PAXBP1: variants seen among roughly 807,000 people sequenced by gnomAD.
The protein encoded by PAXBP1 is PAX3 and PAX7 binding protein 1.
In PAXBP1, 44 loss-of-function variants were observed where a neutral mutation model predicts 119.9. The ratio of observed to expected loss-of-function variants is 0.37; its 90% CI spans 0.29 to 0.47. The LOEUF (loss-of-function observed/expected upper bound fraction) is 0.47, where lower values mean the gene tolerates loss of function less well. Among genes scored for constraint, PAXBP1 ranks in the 20% least tolerant of loss-of-function variants. The probability of loss-of-function intolerance (pLI) is 0.99; values close to 1 mark genes in which losing one functional copy is unlikely to be tolerated. For missense variants in PAXBP1, 898 were observed against 1,134.1 expected (o/e 0.79, Z 2.99); for synonymous variants, 393 against 406.6 (o/e 0.97, Z 0.40).
At position 32,734,874 on chromosome 21, in the gene PAXBP1, A is replaced by T; in HGVS notation, c.*76T>A. On this transcript the variant is annotated 3_prime_UTR_variant, in exon 18 of 18. Coordinates refer to ENST00000331923, the MANE Select transcript of PAXBP1 (RefSeq NM_016631.4). Reference sequence around the variant, plus strand: ...AACAAGAATTGCTATTTTACAGTTTAAGAAACTTTACATATATACAAAATT... The same window carrying T: ...AACAAGAATTGCTATTTTACAGTTTTAGAAACTTTACATATATACAAAATT... The T allele has an allele frequency of 1.9e-6, 2 of 1,067,432 alleles. No individual in the cohort carries two copies. Among genetic ancestry groups the T allele is most frequent in the Non-Finnish European group, 2.9e-6 (2 of 690,050 alleles). 66.1% of individuals were successfully genotyped at this position (1,067,432 alleles called of 1,614,324 possible).
chr21:32,754,516 C>T (rs554972199), intron 8 of PAXBP1, among the ~76,000 whole-genome samples: 37 of 152,260 alleles, frequency 2.4e-4, no homozygotes, highest in African/African-American at 8.9e-4. Context: ...TTTAAAACAT[C>T]CAGTTAAAGG....
rs937876734 is a variant in PAXBP1 at position 32,770,017 on chromosome 21, C to T, written c.344-75G>A. 2.4e-4 allele frequency: 280 copies of T among 1,142,856 alleles called. 1 individual carries two copies. The highest frequency in any genetic ancestry group is 3.2e-4 in the Non-Finnish European group (265 of 826,796). The allele number at this position is 1,142,856 out of a possible 1,614,324, so 70.8% of individuals were successfully genotyped here. A position where few individuals can be genotyped will look rare whatever the true frequency, so the allele number is the denominator to read the frequency against. On this transcript the variant is annotated intron_variant, in intron 1 of 17. Coordinates refer to ENST00000331923, the MANE Select transcript of PAXBP1 (RefSeq NM_016631.4). ...TTTTCCCTTCTTTCACATGATCTTA[C>T]GTGCTGTCCAAATTATCCCAAATAT... is the stretch of plus-strand genomic sequence containing the variant.
At chr21:32,741,488 C>A in intron 15 of PAXBP1, 1 of 766,054 alleles carries the variant, frequency 1.3e-6, no homozygotes, top group South Asian at 1.4e-5. Flanking sequence ...CATGACTGGA[C>A]AAAAAGGTAT....
chr21:32,756,102 G>T, intron 7 of PAXBP1: 1 of 224,448 alleles, frequency 4.5e-6, no homozygotes, highest in Non-Finnish European at 9.0e-6. Context: ...AATTTTTCCA[G>T]GTTAATATCC....
intron 7 of PAXBP1, chr21:32,756,389 A>C (rs2044043303): frequency 2.0e-6 from 1 of 508,846 alleles, no homozygotes; most frequent in South Asian, 1.5e-5. Context: ...AAAATAAAAA[A>C]AGGCAGGTGG....
At chr21:32,770,282 C>T (rs577689517) in intron 1 of PAXBP1, among the ~76,000 whole-genome samples, 57 of 152,086 alleles carry the variant, frequency 3.7e-4, no homozygotes, top group Middle Eastern at 3.4e-3. Flanking sequence ...TTAACGAATC[C>T]GAAACAAAAT....
chr21:32,746,022 T>A (rs2043866680), intron 11 of PAXBP1, among the ~76,000 whole-genome samples: 1 of 152,184 alleles, frequency 6.6e-6, no homozygotes, highest in Non-Finnish European at 1.5e-5. Context: ...GGGGAAAAGA[T>A]TCCCTGTTTA....
chr21:32,740,436 A>G (rs1361792046), intron 15 of PAXBP1, among the ~76,000 whole-genome samples: 5 of 152,182 alleles, frequency 3.3e-5, no homozygotes, highest in Non-Finnish European at 7.3e-5. Flanking sequence ...ATCTTGGCAA[A>G]ATAAACTTTC....
At chr21:32,743,802 GA>G in intron 13 of PAXBP1, 48 bp from the exon 14 acceptor site, 1 of 1,046,774 alleles carries the variant, frequency 9.6e-7, no homozygotes. Context: ...ACTATGACAA[GA>G]AAAATAAGCC....
At chr21:32,745,936 A>G (rs923641295) in intron 11 of PAXBP1, among the ~76,000 whole-genome samples, 1 of 152,232 alleles carries the variant, frequency 6.6e-6, no homozygotes, top group Non-Finnish European at 1.5e-5. Context: ...CCAATGGAAC[A>G]GAATAGAGAA....
chr21:32,769,422 T>A (rs1481784007), intron 2 of PAXBP1, among the ~76,000 whole-genome samples: 2 of 152,124 alleles, frequency 1.3e-5, no homozygotes, highest in African/African-American at 4.8e-5. Context: ...AAATCCACTG[T>A]GGAAATACCA....
At chr21:32,768,426 AT>A (rs2044278749) in intron 2 of PAXBP1, among the ~76,000 whole-genome samples, 1 of 152,252 alleles carries the variant, frequency 6.6e-6, no homozygotes, top group Non-Finnish European at 1.5e-5. Flanking sequence ...TTTAAATCCA[AT>A]ATGGCAAAGT....
chr21:32,769,786 A>G, intron 2 of PAXBP1, 28 bp downstream of exon 2: 1 of 1,593,302 alleles, frequency 6.3e-7, no homozygotes, highest in Non-Finnish European at 8.5e-7. Context: ...TTGTCATTTC[A>G]AAAGAATTCA....
Position 32,771,507 on chromosome 21 carries a change from C to G in PAXBP1, c.162G>C (p.Glu54Asp). 7.5e-7 allele frequency: 1 copy of G among 1,325,352 alleles called. No homozygotes were observed. Among genetic ancestry groups the G allele is most frequent in the African/African-American group, 1.5e-5 (1 of 64,824 alleles). 82.1% of individuals were successfully genotyped at this position (1,325,352 alleles called of 1,614,324 possible). ...PGGGDRAPGGESLLGPGPSPP... is the reference protein window; with the variant it reads ...PGGGDRAPGGDSLLGPGPSPP... ...GCGACGGCCCCGGGCCCAGCAGCGA[C>G]TCCCCGCCAGGGGCCCTGTCGCCGC... is the stretch of plus-strand genomic sequence containing the variant. Residue 54 changes from glutamate (E) to aspartate (D), a missense_variant, in exon 1 of 18, where the codon GAG (glutamate) becomes GAC (aspartate). By Grantham distance (45) the Glu-to-Asp change is conservative. Around this residue, in one of 2 missense-constraint regions of PAXBP1, gnomAD observed 299 missense variants for 281.4 expected, o/e 1.06. Transcript: ENST00000331923.
rs545150914 is a variant in PAXBP1, at chr21:32,762,156, G to A, written c.811C>T (p.Arg271Cys). 143 of 1,614,094 alleles carry A rather than the reference G, an allele frequency of 8.9e-5. No individual in the cohort carries two copies. Among genetic ancestry groups the A allele is most frequent in the Admixed American group, 4.2e-4 (25 of 60,026 alleles). The stretch of plus-strand genomic sequence containing the variant: ...TCTTTCACAGAAAAAACTATCCGGC[G>A]TTTCTCATCGTCATCTTCATCATCA... The part of the protein sequence containing the change: ...ASDDEDDDEK[R>C]RIVFSVKEKS... Residue 271 changes from arginine to cysteine, a missense_variant, in exon 4 of 18, where the codon CGC becomes TGC. This residue lies in a region of PAXBP1 where 599 missense variants were observed against 852.7 expected (regional missense o/e 0.70). Transcript: ENST00000331923.
chr21:32,751,936 G>A (rs1189719714), intron 8 of PAXBP1: 1 of 152,174 alleles, frequency 6.6e-6, no homozygotes, highest in Non-Finnish European at 1.5e-5. Flanking sequence ...GTTTTCAAGA[G>A]ATAGTTCTTG....
At chr21:32,739,766 C>T (rs919621456) in intron 15 of PAXBP1, among the ~76,000 whole-genome samples, 2 of 150,876 alleles carry the variant, frequency 1.3e-5, no homozygotes, top group Non-Finnish European at 3.0e-5. Context: ...AGTAGCCGGG[C>T]GTGGTGGTGG....
intron 3 of PAXBP1, 87 bp from the exon 4 acceptor site, chr21:32,762,404 T>C: frequency 6.7e-7 from 1 of 1,482,238 alleles, no homozygotes. Flanking sequence ...TAATCCAAGA[T>C]AGCCTCATCA....
At chr21:32,746,677 C>T (rs941004805) in intron 11 of PAXBP1, among the ~76,000 whole-genome samples, 2 of 151,988 alleles carry the variant, frequency 1.3e-5, no homozygotes, top group Non-Finnish European at 2.9e-5. Context: ...GACAGTGTGC[C>T]AATTCCTCAC....
Sources: gnomAD v4.1 joint callset for allele counts (sites outside exome capture counted in the v4.1 genomes callset) on GRCh38, gnomAD v4.1.1 for gene constraint, gnomAD v4.1.1 regional missense constraint, MANE v1.5 for transcripts, NCBI Gene and HGNC (gene_info 2026-07-23, HGNC 2026-07-21) for gene names.